The following SLC4A9 variants were observed in gnomAD, a reference collection of about 807,000 sequenced individuals.
SLC4A9 encodes anion exchange protein 4.
A neutral mutation model predicts 103.2 loss-of-function variants in SLC4A9; 102 were observed. The observed-to-expected ratio is 0.99, with a 90% confidence interval of 0.84 to 1.17. SLC4A9 has a LOEUF of 1.17. Ranked by LOEUF, SLC4A9 falls within the 50% of genes most tolerant of loss-of-function variation. The pLI is 0.00. For missense variants in SLC4A9, 1,091 were observed against 1,193.7 expected (o/e 0.91, Z 1.27); for synonymous variants, 453 against 483.6 (o/e 0.94, Z 0.83).
chr5:140,374,614 G>A (rs978379851), intron 21 of SLC4A9, among the ~76,000 whole-genome samples: 1 of 151,270 alleles, frequency 6.6e-6, no homozygotes, highest in African/African-American at 2.4e-5. Flanking sequence ...GGGAAATTTG[G>A]GGGACTGGAG....
chr5:140,365,030 C>T (rs898821195), intron 11 of SLC4A9, among the ~76,000 whole-genome samples: 11 of 152,186 alleles, frequency 7.2e-5, no homozygotes, highest in African/African-American at 1.9e-4. Flanking sequence ...CAGGTATGCC[C>T]AGCTTCATTT....
chr5:140,372,212 C>CA (rs1296404374), intron 19 of SLC4A9, 30 bp from the exon 20 acceptor site: 1 of 1,516,256 alleles, frequency 6.6e-7, no homozygotes, highest in East Asian at 2.4e-5. Context: ...CTGTTGCTGA[C>CA]AGGCCTGGGC....
rs749849006 is a variant in SLC4A9 at position 140,365,939 on chromosome 5, T to C, written c.1816T>C (p.Phe606Leu). ...TCATACAGTCCCAGACATTGCCTTC[T>C]TCTCCCTTCTCCTCTTCCTTACTTC... ...GCHTVPDIAF[F>L]SLLLFLTSFF... The change falls in exon 13 of 22, where the codon TTC becomes CTC. Residue 606 changes from phenylalanine (F) to leucine (L), a missense_variant. Coordinates refer to ENST00000506757, the MANE Select transcript of SLC4A9 (RefSeq NM_031467.3). 11 of 1,613,946 alleles carry C rather than the reference T, an allele frequency of 6.8e-6. No homozygotes were observed. The African/African-American group carries it at 1.5e-4, about 22-fold the overall frequency.
At chr5:140,373,300 T>A (rs563255138) in intron 21 of SLC4A9, among the ~76,000 whole-genome samples, 1 of 152,320 alleles carries the variant, frequency 6.6e-6, no homozygotes, top group Non-Finnish European at 1.5e-5. Flanking sequence ...TTCATCCATA[T>A]ATCAAGCATT....
chr5:140,364,061 T>C lies in SLC4A9; in HGVS notation c.1262T>C (p.Leu421Pro). ...GCCCCTGTTGGCTTCCAGGGAGTGC[T>C]GGAAAGTTTCCTGGGCACAGCAGTG... ...GDATDGAQGV[L>P]ESFLGTAVAG... The change falls in exon 10 of 22, where the codon CTG becomes CCG. Residue 421 changes from leucine to proline, a missense_variant. By Grantham distance (98) the Leu-to-Pro change is moderately conservative. Coordinates refer to ENST00000506757, the MANE Select transcript of SLC4A9 (RefSeq NM_031467.3). 1.3e-6 allele frequency: 2 copies of C among 1,543,046 alleles called. No individual in the cohort carries two copies. Among genetic ancestry groups the C allele is most frequent in the Non-Finnish European group, 1.7e-6 (2 of 1,147,942 alleles).
chr5:140,368,072 C>T (rs1244596771), intron 16 of SLC4A9, among the ~76,000 whole-genome samples, 174 bp downstream of exon 16: 1 of 152,186 alleles, frequency 6.6e-6, no homozygotes, highest in Non-Finnish European at 1.5e-5. Flanking sequence ...CTTCCCCTCT[C>T]TCCCCTCAGC....
chr5:140,366,949 G>A (rs1264976992), intron 14 of SLC4A9, among the ~76,000 whole-genome samples: 1 of 152,226 alleles, frequency 6.6e-6, no homozygotes, highest in Non-Finnish European at 1.5e-5. Context: ...AGACAGGAGA[G>A]CAGGGAGGAA....
In SLC4A9 at chr5:140,361,817, A is replaced by T; in HGVS notation, c.515A>T (p.His172Leu). Residue 172 changes from histidine (H) to leucine (L), a missense_variant, in exon 4 of 22, where the codon CAT becomes CTT. Transcript: ENST00000506757. ...TAATCCTGTTTTGTAGGCTCTACTC[A>T]TCCAAGAAAGGCTTCTGACAATGAG... The part of the protein sequence containing the change: ...TGTRPCWGST[H>L]PRKASDNEEA... 6.2e-7 allele frequency: 1 copy of T among 1,614,000 alleles called. No individual in the cohort carries two copies. Among genetic ancestry groups the T allele is most frequent in the East Asian group, 2.2e-5 (1 of 44,878 alleles).
chr5:140,360,339 C>T lies in SLC4A9; in HGVS notation c.103C>T (p.Pro35Ser), dbSNP rs1766880339. 1.2e-6 allele frequency: 2 copies of T among 1,611,656 alleles called. No homozygotes were observed. The highest frequency in any genetic ancestry group is 1.7e-6 in the Non-Finnish European group (2 of 1,179,022). ...CAGCAACCCTGACCCTGGCACCGGC[C>T]CCAGCCCTGATGGCCCCTCAGACAC... The part of the protein sequence containing the change: ...LDSNPDPGTG[P>S]SPDGPSDTES... Residue 35 changes from proline to serine, a missense_variant, in exon 1 of 22, where the codon CCC (proline) becomes TCC (serine). Transcript: ENST00000506757.
At chr5:140,361,395 CA>C in intron 3 of SLC4A9, 28 bp downstream of exon 3, 1 of 1,526,106 alleles carries the variant, frequency 6.6e-7, no homozygotes, top group Non-Finnish European at 8.9e-7. Context: ...GGCCCAGGAC[CA>C]AGACCCTGGT....
At chr5:140,361,390 A>G in intron 3 of SLC4A9, 23 bp downstream of exon 3, 2 of 1,536,082 alleles carry the variant, frequency 1.3e-6, no homozygotes, top group Non-Finnish European at 1.8e-6. Flanking sequence ...CCCTGGGCCC[A>G]GGACCAAGAC....
At position 140,366,005 on chromosome 5, in the gene SLC4A9, C is replaced by A; in HGVS notation, c.1882C>A (p.Arg628Ser). 1 of 1,613,964 alleles carries A rather than the reference C, an allele frequency of 6.2e-7. No homozygotes were observed. The highest frequency in any genetic ancestry group is 8.5e-7 in the Non-Finnish European group (1 of 1,179,880). ...AMALKCVKTS[R>S]FFPSVVRKGL... ...GGCCCTCAAGTGTGTAAAGACCAGC[C>A]GCTTCTTCCCCTCTGTGGTGAGTTT... Residue 628 changes from arginine (R) to serine (S), a missense_variant, in exon 13 of 22, where the codon CGC (arginine) becomes AGC (serine). Physicochemically the swap from Arg to Ser is moderately radical, Grantham distance 110 (BLOSUM62 -1). Transcript: ENST00000506757.
rs201279095 is a variant in SLC4A9 at position 140,367,711 on chromosome 5, T to C, written c.2176-9T>C. On this transcript the variant is annotated splice_polypyrimidine_tract_variant and intron_variant, in intron 15 of 21. Transcript: ENST00000506757. ...GCTTCATCCTCATTGCCCCCACCAC[T>C]ACCTGCAGAAGGGAGCTGGCTTCCA... The C allele has an allele frequency of 1.4e-4, 226 of 1,613,738 alleles. 5 individuals are homozygous for C. In the Admixed American group the frequency reaches 3.6e-3, roughly 26 times the overall value.
In SLC4A9 at chr5:140,363,114, T is replaced by A. The variant is rs892340490; in HGVS notation, c.962+48T>A. On this transcript the variant is annotated intron_variant, in intron 7 of 21. Coordinates refer to ENST00000506757, the MANE Select transcript of SLC4A9 (RefSeq NM_031467.3). This position sits in a 1 kb window ranked among gnomAD's most constrained non-coding sequence, Gnocchi z 4.5. Reference sequence around the variant, plus strand: ...TACAGATTCCTGCCCATATAGGCCCTGGGTCTAATTCCATTGTTGAGGAGG... The same window carrying A: ...TACAGATTCCTGCCCATATAGGCCCAGGGTCTAATTCCATTGTTGAGGAGG... 3 of 1,589,948 alleles carry A rather than the reference T, an allele frequency of 1.9e-6. No homozygotes were observed. Among genetic ancestry groups the A allele is most frequent in the Non-Finnish European group, 2.6e-6 (3 of 1,172,908 alleles).
rs373453788 is a variant in SLC4A9 at position 140,363,715 on chromosome 5, C to G, written c.1080-13C>G. ...TGTGAAAACCTGGATCACTGACGAC[C>G]CTCGGGCGGGAGGCTGTTTGGGGGC... On this transcript the variant is annotated splice_polypyrimidine_tract_variant and intron_variant, in intron 8 of 21. Transcript: ENST00000506757. This position sits in a 1 kb window ranked among gnomAD's most constrained non-coding sequence, Gnocchi z 4.5. 3.1e-5 allele frequency: 50 copies of G among 1,612,980 alleles called. No homozygotes were observed. The highest frequency in any genetic ancestry group is 4.2e-5 in the Non-Finnish European group (49 of 1,179,340).
In SLC4A9 at chr5:140,360,837, G is replaced by A. The variant is rs1318868141; in HGVS notation, c.256G>A (p.Glu86Lys). 2.5e-6 allele frequency: 4 copies of A among 1,613,318 alleles called. No homozygotes were observed. The highest frequency in any genetic ancestry group is 1.1e-5 in the South Asian group (1 of 91,016). ...GRWVLFEEKL[E>K]VAAGRWSAPH... Reference sequence around the variant, plus strand: ...GTGGGTACTGTTTGAGGAGAAGTTGGAGGTGGCTGCAGGCCGGTGGAGTGC... The same window carrying A: ...GTGGGTACTGTTTGAGGAGAAGTTGAAGGTGGCTGCAGGCCGGTGGAGTGC... The change falls in exon 2 of 22, where the codon GAG becomes AAG. Residue 86 changes from glutamate to lysine, a missense_variant. Transcript: ENST00000506757.
At chr5:140,374,644 A>ATT (rs1168789391) in intron 21 of SLC4A9, 183 bp from the exon 22 acceptor site, 1 of 151,824 alleles carries the variant, frequency 6.6e-6, no homozygotes, top group Non-Finnish European at 1.5e-5. Flanking sequence ...AGAAAGGGGA[A>ATT]TTCACTGGCT....
At position 140,360,442 on chromosome 5, in the gene SLC4A9, C is replaced by A. The variant is rs187685311; in HGVS notation, c.206C>A (p.Ala69Glu). 11 of 1,584,792 alleles carry A rather than the reference C, an allele frequency of 6.9e-6. No homozygotes were observed. In the Admixed American group the frequency reaches 7.2e-5, roughly 10 times the overall value. ...AATGAGCTGCTGGGCTGGCCCCAGG[C>A]GCTGGAGTGGAGAGAGACAGGCAGG... Reference protein sequence around the residue: ...QLNELLGWPQALEWRETGRWV... With the variant: ...QLNELLGWPQELEWRETGRWV... The change falls in exon 1 of 22, where the codon GCG becomes GAG. Residue 69 changes from alanine to glutamate, a missense_variant. Ala to Glu is a moderately radical substitution (Grantham distance 107). Transcript: ENST00000506757.
At chr5:140,362,577 C>T (rs1561577372) in intron 6 of SLC4A9, 45 bp downstream of exon 6, 20 of 1,565,546 alleles carry the variant, frequency 1.3e-5, no homozygotes, top group Non-Finnish European at 1.6e-5. Flanking sequence ...CGCGTGCATG[C>T]CTGTGTGTGT....
Sources: allele counts gnomAD v4.1 joint callset (sites outside exome capture counted in the v4.1 genomes callset), GRCh38; gene constraint gnomAD v4.1.1; non-coding constraint Gnocchi (gnomAD v3.1); transcripts MANE v1.5; gene names NCBI Gene and HGNC (gene_info 2026-07-23, HGNC 2026-07-21).